Variants in REC114 observed in about 807,000 individuals in gnomAD.
REC114 encodes the protein REC114 meiotic recombination protein.
A neutral mutation model predicts 31.3 loss-of-function variants in REC114; 27 were observed. That is an observed-to-expected ratio of 0.86 (90% CI 0.64 to 1.19). The LOEUF (loss-of-function observed/expected upper bound fraction) is 1.19. REC114 is among the 50% of genes most tolerant of loss of function. REC114 has a pLI of 0.00. For synonymous variants in REC114, 134 were observed against 127.7 expected (o/e 1.05, Z -0.33); for missense variants, 344 against 326.9 (o/e 1.05, Z -0.40).
rs535881827 is a variant in REC114, at chr15:73,490,829, T to C, written c.249+16908T>C. 6.8e-3 allele frequency among the ~76,000 whole-genome samples: 1,043 copies of C among 152,270 alleles called. 11 individuals are homozygous for C. Among genetic ancestry groups the C allele is most frequent in the African/African-American group, 0.023 (972 of 41,542 alleles). ...TCCTTCGCCCCCACCAAAAAAAAAT[T>C]CCCTCTTACTTGCCCACCTTCATCC... On this transcript the variant is annotated intron_variant, in intron 2 of 5. Coordinates refer to ENST00000331090, the MANE Select transcript of REC114 (RefSeq NM_001042367.2).
intron 2 of REC114, among the ~76,000 whole-genome samples, chr15:73,530,799 G>A (rs1040223027): frequency 1.3e-5 from 2 of 151,254 alleles, no homozygotes; most frequent in Non-Finnish European, 2.9e-5. Flanking sequence ...CTGAGCTCCA[G>A]GATAGTGAGT....
chr15:73,462,959 C>G (rs998821797), intron 1 of REC114, among the ~76,000 whole-genome samples: 9 of 151,672 alleles, frequency 5.9e-5, no homozygotes, highest in African/African-American at 2.2e-4. Flanking sequence ...ACTTCCTTCT[C>G]ATCATGTTAT....
intron 2 of REC114, among the ~76,000 whole-genome samples, chr15:73,489,636 TAATTC>T (rs1893418446): frequency 6.6e-6 from 1 of 152,100 alleles, no homozygotes; most frequent in Non-Finnish European, 1.5e-5. Flanking sequence ...GCCCACCTCT[TAATTC>T]TATTATATTA....
At chr15:73,475,921 T>C (rs1324496640) in intron 2 of REC114, among the ~76,000 whole-genome samples, 1 of 152,184 alleles carries the variant, frequency 6.6e-6, no homozygotes. Context: ...AGGTGTAATG[T>C]TTACTGTACC....
At chr15:73,461,922 CTTTTTT>C (rs961387922) in intron 1 of REC114, among the ~76,000 whole-genome samples, 886 of 78,210 alleles carry the variant, frequency 0.011, 19 homozygotes, top group African/African-American at 0.034. Context: ...TTTTTCTTTT[CTTTTTT>C]TTTTTTTTTT....
intron 1 of REC114, among the ~76,000 whole-genome samples, chr15:73,448,582 T>G (rs547276188): frequency 6.6e-6 from 1 of 152,310 alleles, no homozygotes; most frequent in Admixed American, 6.5e-5. Context: ...TTCAGCAGAC[T>G]TAAATGTCCC....
At chr15:73,483,912 T>C (rs912584343) in intron 2 of REC114, 2 of 152,276 alleles carry the variant, frequency 1.3e-5, no homozygotes, top group Non-Finnish European at 2.9e-5. Flanking sequence ...CTGGGTCCAA[T>C]AGAACTCGGC....
chr15:73,487,043 C>G (rs2141300319), intron 2 of REC114, among the ~76,000 whole-genome samples: 1 of 152,152 alleles, frequency 6.6e-6, no homozygotes, highest in East Asian at 1.9e-4. Flanking sequence ...ATACTCTATT[C>G]CCTGAAGCCC....
intron 2 of REC114, among the ~76,000 whole-genome samples, chr15:73,478,764 G>T (rs548995188): frequency 2.6e-5 from 4 of 152,052 alleles, no homozygotes; most frequent in African/African-American, 9.6e-5. Flanking sequence ...CATAATACAG[G>T]TCTTGCACAT....
chr15:73,552,071 G>C (rs954356993), intron 4 of REC114, among the ~76,000 whole-genome samples: 6 of 152,150 alleles, frequency 3.9e-5, no homozygotes, highest in African/African-American at 1.4e-4. Context: ...ATTATACGTG[G>C]ATAAAGAGCT....
intron 2 of REC114, among the ~76,000 whole-genome samples, chr15:73,506,217 T>C (rs1893674563): frequency 6.6e-6 from 1 of 152,230 alleles, no homozygotes. Context: ...ATCTGATCTT[T>C]TATCACATAT....
At chr15:73,493,688 G>A (rs901373864) in intron 2 of REC114, among the ~76,000 whole-genome samples, 7 of 152,128 alleles carry the variant, frequency 4.6e-5, no homozygotes, top group Non-Finnish European at 1.0e-4. Context: ...TGATCTAGAA[G>A]CCTGAGAGGA....
intron 3 of REC114, among the ~76,000 whole-genome samples, chr15:73,544,701 G>A (rs1224871795): frequency 6.6e-6 from 1 of 152,212 alleles, no homozygotes; most frequent in African/African-American, 2.4e-5. Context: ...CCAAGGCTTT[G>A]AGTATTGCCT....
intron 4 of REC114, among the ~76,000 whole-genome samples, chr15:73,552,884 C>T (rs549392285): frequency 6.6e-6 from 1 of 152,270 alleles, no homozygotes; most frequent in East Asian, 1.9e-4. Context: ...GGCACGATCT[C>T]GGCTCACTGC....
intron 2 of REC114, among the ~76,000 whole-genome samples, chr15:73,487,695 C>T (rs956383941): frequency 2.0e-5 from 3 of 152,224 alleles, no homozygotes; most frequent in Admixed American, 2.0e-4. Context: ...TGCAGCTCTT[C>T]CAGGCTAAGA....
chr15:73,555,166 G>C (rs1595884416), intron 4 of REC114, among the ~76,000 whole-genome samples: 2 of 152,194 alleles, frequency 1.3e-5, no homozygotes, highest in African/African-American at 4.8e-5. Context: ...CTGTAGGACA[G>C]AAGACAGAAT....
chr15:73,542,443 C>T (rs913582068), intron 3 of REC114, among the ~76,000 whole-genome samples: 1 of 152,052 alleles, frequency 6.6e-6, no homozygotes, highest in African/African-American at 2.4e-5. Context: ...TTCTCCTGGC[C>T]TCTCCCTCTT....
rs192243024 is a variant in REC114 at position 73,473,845 on chromosome 15, A to G, written c.173A>G (p.Asn58Ser). 2.8e-5 allele frequency: 44 copies of G among 1,573,326 alleles called. No individual in the cohort carries two copies. In the Admixed American group the frequency reaches 6.4e-4, roughly 23 times the overall value. Reference sequence around the variant, plus strand: ...CTCCCTTTCAAGGTTTTTGATTCCAATGAAGAATCTGGATATCTTGTTCTC... The same window carrying G: ...CTCCCTTTCAAGGTTTTTGATTCCAGTGAAGAATCTGGATATCTTGTTCTC... The part of the protein sequence containing the change: ...PCPTWKVFDS[N>S]EESGYLVLTI... The change falls in exon 2 of 6, where the codon AAT becomes AGT. Residue 58 changes from asparagine to serine, a missense_variant. Transcript: ENST00000331090.
chr15:73,472,631 C>T (rs1054949084), intron 1 of REC114, among the ~76,000 whole-genome samples: 12 of 152,042 alleles, frequency 7.9e-5, no homozygotes, highest in Non-Finnish European at 1.0e-4. Flanking sequence ...GTTTACCTTA[C>T]GGTGTTTATT....
Sources: allele counts gnomAD v4.1 joint callset (sites outside exome capture counted in the v4.1 genomes callset), GRCh38; gene constraint gnomAD v4.1.1; transcripts MANE v1.5; gene names NCBI Gene and HGNC (gene_info 2026-07-23, HGNC 2026-07-21).